Variants in PRKN observed in about 807,000 individuals in gnomAD.
PRKN encodes parkin RBR E3 ubiquitin protein ligase.
PRKN carries 56 observed loss-of-function variants against 59.5 expected under a neutral mutation model. The ratio of observed to expected loss-of-function variants is 0.94; its 90% CI spans 0.76 to 1.18. PRKN has a LOEUF of 1.18. Ranked by LOEUF, PRKN falls within the 50% of genes most tolerant of loss-of-function variation. The pLI is 0.00. For missense variants in PRKN, 657 were observed against 596.4 expected (o/e 1.10, Z -1.06); for synonymous variants, 250 against 222.1 (o/e 1.13, Z -1.12).
chr6:161,805,238 G>A (rs965699219), intron 6 of PRKN, among the ~76,000 whole-genome samples: 1 of 152,012 alleles, frequency 6.6e-6, no homozygotes, highest in South Asian at 2.1e-4. Context: ...CCCCTCTGTC[G>A]CCTCAACTTG....
chr6:162,010,503 T>C (rs1583476249), intron 5 of PRKN, among the ~76,000 whole-genome samples: 1 of 36,128 alleles, frequency 2.8e-5, no homozygotes, highest in Non-Finnish European at 4.2e-5. Context: ...TATTATATAA[T>C]ATATTATATT....
intron 7 of PRKN, among the ~76,000 whole-genome samples, chr6:161,672,808 G>A (rs189244903): frequency 6.6e-4 from 101 of 152,134 alleles, no homozygotes; most frequent in Admixed American, 4.0e-3. Flanking sequence ...TTTAAAATAC[G>A]ATGAAATAAG....
intron 1 of PRKN, among the ~76,000 whole-genome samples, chr6:162,577,629 A>T (rs989913184): frequency 4.2e-4 from 60 of 144,078 alleles, no homozygotes; most frequent in African/African-American, 4.4e-4. Flanking sequence ...AAATAAAATA[A>T]AATATAATTG....
Position 162,653,008 on chromosome 6 carries a change from G to A in PRKN, c.7+74654C>T, listed in dbSNP as rs937611915. Among the ~76,000 whole-genome samples, 3 of 152,204 alleles carry A rather than the reference G, an allele frequency of 2.0e-5. No homozygotes were observed. The East Asian group carries it at 5.8e-4, about 29-fold the overall frequency. On this transcript the variant is annotated intron_variant, in intron 1 of 11. Coordinates refer to ENST00000366898, the MANE Select transcript of PRKN (RefSeq NM_004562.3). ...ATCTTTTCCTTTAGAAACTCTATGT[G>A]ATAATTCAAAACCAAAACCAAAAAT... is the stretch of plus-strand genomic sequence containing the variant.
At chr6:162,648,928 G>T (rs893407987) in intron 1 of PRKN, among the ~76,000 whole-genome samples, 3 of 152,204 alleles carry the variant, frequency 2.0e-5, no homozygotes, top group South Asian at 2.1e-4. Flanking sequence ...AAACTTGGGG[G>T]TCCTCATCTA....
At chr6:162,649,733 GATACACAT>G (rs1464920266) in intron 1 of PRKN, among the ~76,000 whole-genome samples, 1 of 152,014 alleles carries the variant, frequency 6.6e-6, no homozygotes, top group Non-Finnish European at 1.5e-5. Flanking sequence ...GAGAACTAAT[GATACACAT>G]ATGTACAGCA....
chr6:161,796,654 C>A (rs1790862658), intron 6 of PRKN, among the ~76,000 whole-genome samples: 1 of 152,044 alleles, frequency 6.6e-6, no homozygotes, highest in South Asian at 2.1e-4. Context: ...CAAGGATGCT[C>A]AAAATTACGT....
At chr6:162,609,806 AG>A (rs1782071693) in intron 1 of PRKN, among the ~76,000 whole-genome samples, 1 of 152,236 alleles carries the variant, frequency 6.6e-6, no homozygotes, top group Admixed American at 6.5e-5. Flanking sequence ...CTATTTCACT[AG>A]GTTAGTACCA....
In PRKN at chr6:161,581,088, C is replaced by T. The variant is rs534608209; in HGVS notation, c.872-11672G>A. 1.3e-4 allele frequency among the ~76,000 whole-genome samples: 18 copies of T among 140,206 alleles called. No homozygotes were observed. The highest frequency in any genetic ancestry group is 2.3e-4 in the East Asian group (1 of 4,298). The allele number at this position is 140,206 out of a possible 152,430, so 92.0% of individuals were successfully genotyped here. ...CACACACACACACAAAATAGCCAGG[C>T]GTGGTGGCATGCCCTTGTAATCCCA... On this transcript the variant is annotated intron_variant, in intron 7 of 11. Transcript: ENST00000366898. This position sits in a 1 kb window ranked among gnomAD's most constrained non-coding sequence, Gnocchi z 4.5.
chr6:161,957,409 GTTTTT>G lies in PRKN; in HGVS notation c.734+15888_734+15892del, dbSNP rs1203607451. 3.9e-5 allele frequency among the ~76,000 whole-genome samples: 5 copies of G among 127,454 alleles called. No homozygotes were observed. The East Asian group carries it at 6.6e-4, about 17-fold the overall frequency. 83.6% of individuals were successfully genotyped at this position (127,454 alleles called of 152,430 possible). A position where few individuals can be genotyped will look rare whatever the true frequency, so the allele number is the denominator to read the frequency against. ...TTTTTATTTTTTTGTTGTTCTTGTT[GTTTTT>G]TTTTTGTTTGTTTGTTTGTTTGTTT... On this transcript the variant is annotated intron_variant, in intron 6 of 11. Coordinates refer to ENST00000366898, the MANE Select transcript of PRKN (RefSeq NM_004562.3).
chr6:162,023,240 T>A (rs1366213091), intron 5 of PRKN, among the ~76,000 whole-genome samples: 1 of 152,076 alleles, frequency 6.6e-6, no homozygotes, highest in Non-Finnish European at 1.5e-5. Context: ...GTTCTCTTAG[T>A]TTGCCTACGG....
At chr6:161,779,010 G>C (rs1790075235) in intron 7 of PRKN, among the ~76,000 whole-genome samples, 1 of 151,958 alleles carries the variant, frequency 6.6e-6, no homozygotes, top group African/African-American at 2.4e-5. Flanking sequence ...AATGATCTCG[G>C]CTCACTGCAA....
chr6:161,438,955 T>C (rs1376700392), intron 9 of PRKN, among the ~76,000 whole-genome samples: 3 of 151,926 alleles, frequency 2.0e-5, no homozygotes, highest in Admixed American at 1.3e-4. Flanking sequence ...TGCAGCTAAA[T>C]TCTTAAATGG....
chr6:161,618,937 C>T (rs1426360144), intron 7 of PRKN, among the ~76,000 whole-genome samples: 1 of 152,134 alleles, frequency 6.6e-6, no homozygotes, highest in African/African-American at 2.4e-5. Context: ...GCTGACTTCG[C>T]ATTCATCTTC....
chr6:162,025,583 C>CTTTTTTTTTTTTTT lies in PRKN; in HGVS notation c.618+28494_618+28507dup, dbSNP rs1177676968. Among the ~76,000 whole-genome samples, 7 of 59,002 alleles carry CTTTTTTTTTTTTTT rather than the reference C, an allele frequency of 1.2e-4. 2 individuals carry two copies. Among genetic ancestry groups the CTTTTTTTTTTTTTT allele is most frequent in the African/African-American group, 2.2e-4 (3 of 13,724 alleles). 38.7% of individuals were successfully genotyped at this position (59,002 alleles called of 152,430 possible). On this transcript the variant is annotated intron_variant, in intron 5 of 11. Coordinates refer to ENST00000366898, the MANE Select transcript of PRKN (RefSeq NM_004562.3). ...TCTCCCAGTGGCCATATCCATGGTG[C>CTTTTTTTTTTTTTT]TTTTTTTTTTTTTTTTTTTTTTTTT...
At chr6:162,102,365 T>G (rs1780007442) in intron 4 of PRKN, among the ~76,000 whole-genome samples, 1 of 152,190 alleles carries the variant, frequency 6.6e-6, no homozygotes, top group Non-Finnish European at 1.5e-5. Flanking sequence ...TCTCTTTTGG[T>G]CCTGGCTACA....
chr6:161,363,158 C>A lies in PRKN; in HGVS notation c.1168-2953G>T, dbSNP rs1785043640. ...TTGGGAGGCTGAGGCAGGAGAAGTACCTGAACCTGGGGGGCAGAGGTTGCA... is the reference window on the plus strand; with the variant it reads ...TTGGGAGGCTGAGGCAGGAGAAGTAACTGAACCTGGGGGGCAGAGGTTGCA... On this transcript the variant is annotated intron_variant, in intron 10 of 11. Transcript: ENST00000366898. This position sits in a 1 kb window ranked among gnomAD's most constrained non-coding sequence, Gnocchi z 4.1. Among the ~76,000 whole-genome samples, 1 of 152,164 alleles carries A rather than the reference C, an allele frequency of 6.6e-6. No individual in the cohort carries two copies. The highest frequency in any genetic ancestry group is 1.5e-5 in the Non-Finnish European group (1 of 68,030).
intron 2 of PRKN, among the ~76,000 whole-genome samples, chr6:162,420,427 G>A (rs1331561482): frequency 1.3e-5 from 2 of 152,140 alleles, no homozygotes; most frequent in African/African-American, 2.4e-5. Flanking sequence ...ATCTAGATCC[G>A]AGGGTTTCAC....
intron 5 of PRKN, among the ~76,000 whole-genome samples, chr6:162,018,051 G>C: frequency 6.6e-6 from 1 of 152,114 alleles, no homozygotes; most frequent in Non-Finnish European, 1.5e-5. Flanking sequence ...TTTTGAGACG[G>C]AGTCTTGCTC....
Sources: gnomAD v4.1 joint callset for allele counts (sites outside exome capture counted in the v4.1 genomes callset) on GRCh38, gnomAD v4.1.1 for gene constraint, Gnocchi (gnomAD v3.1) non-coding constraint, MANE v1.5 for transcripts, NCBI Gene and HGNC (gene_info 2026-07-23, HGNC 2026-07-21) for gene names.